TIMM23B: variants seen among roughly 807,000 people sequenced by gnomAD.
TIMM23B encodes the protein translocase of inner mitochondrial membrane 23 homolog B, also known as mitochondrial import inner membrane translocase subunit Tim23B.
In TIMM23B, 27 loss-of-function variants were observed where a neutral mutation model predicts 27.3. The ratio of observed to expected loss-of-function variants is 0.99; its 90% CI spans 0.73 to 1.36. The LOEUF is 1.36. TIMM23B is among the 40% of genes most tolerant of loss of function. TIMM23B has a pLI of 0.00. For missense variants in TIMM23B, 205 were observed against 244.2 expected (o/e 0.84, Z 1.07); for synonymous variants, 73 against 92.4 (o/e 0.79, Z 1.21).
intron 5 of TIMM23B, among the ~76,000 whole-genome samples, chr10:49,955,876 C>T (rs1296073207): frequency 6.6e-6 from 1 of 152,172 alleles, no homozygotes; most frequent in Non-Finnish European, 1.5e-5. Flanking sequence ...GAGATGGCTG[C>T]TTTCATATGT....
chr10:49,958,324 C>T, intron 5 of TIMM23B, 46 bp from the exon 6 acceptor site: 3 of 1,485,058 alleles, frequency 2.0e-6, no homozygotes, highest in Non-Finnish European at 2.8e-6. Flanking sequence ...CATAATATCA[C>T]ACTTTATCAC....
intron 5 of TIMM23B, among the ~76,000 whole-genome samples, chr10:49,957,363 CA>C (rs1196771251): frequency 6.6e-5 from 10 of 151,412 alleles, no homozygotes; most frequent in African/African-American, 2.4e-4. Flanking sequence ...CCTCCCACCT[CA>C]GCCTTTCAAG....
At chr10:49,948,872 T>C (rs1839434117) in intron 2 of TIMM23B, among the ~76,000 whole-genome samples, 1 of 152,172 alleles carries the variant, frequency 6.6e-6, no homozygotes. Flanking sequence ...TACATATCAG[T>C]AACTCCATTT....
At chr10:49,942,801 G>T (rs1839189508) in intron 1 of TIMM23B, among the ~76,000 whole-genome samples, 1 of 152,186 alleles carries the variant, frequency 6.6e-6, no homozygotes, top group African/African-American at 2.4e-5. Flanking sequence ...TAGGAAGTAA[G>T]CTGAACTTTA....
At chr10:49,961,753 C>A (rs1839922783) in intron 6 of TIMM23B, among the ~76,000 whole-genome samples, 2 of 151,260 alleles carry the variant, frequency 1.3e-5, no homozygotes, top group Non-Finnish European at 2.9e-5. Flanking sequence ...GTGCATGCCA[C>A]CACACCCAGC....
intron 6 of TIMM23B, among the ~76,000 whole-genome samples, chr10:49,971,809 A>G (rs1273839945): frequency 2.0e-5 from 3 of 152,184 alleles, no homozygotes; most frequent in African/African-American, 7.2e-5. Flanking sequence ...CATTTGTAAA[A>G]CTAAGGCTCA....
At chr10:49,964,548 CGAAATGAAAT>C (rs1262315781) in intron 6 of TIMM23B, among the ~76,000 whole-genome samples, 11 of 146,502 alleles carry the variant, frequency 7.5e-5, no homozygotes, top group African/African-American at 2.3e-4. Flanking sequence ...GTCTCCGTCT[CGAAATGAAAT>C]GAAATGAAAT....
rs1304123775 is a variant in TIMM23B, at chr10:49,957,433, T to C, written c.404-937T>C. 7.2e-5 allele frequency among the ~76,000 whole-genome samples: 11 copies of C among 152,002 alleles called. No homozygotes were observed. In the East Asian group the frequency reaches 1.5e-3, roughly 21 times the overall value. ...CCAACTAATTTTTTTAAAAATTTTTTTGGAGAAGGGGGTATCCCTATGTTG... is the reference window on the plus strand; with the variant it reads ...CCAACTAATTTTTTTAAAAATTTTTCTGGAGAAGGGGGTATCCCTATGTTG... On this transcript the variant is annotated intron_variant, in intron 5 of 6. Transcript: ENST00000651259.
chr10:49,965,672 TGAAATGAAATGAAGTGA>T (rs1840112159), intron 6 of TIMM23B, among the ~76,000 whole-genome samples: 1 of 92,812 alleles, frequency 1.1e-5, no homozygotes, highest in African/African-American at 4.3e-5. Context: ...ATGAAACAAA[TGAAATGAAATGAAGTGA>T]GAAATGAAAT....
intron 6 of TIMM23B, among the ~76,000 whole-genome samples, chr10:49,966,571 A>C (rs1193372404): frequency 6.6e-6 from 1 of 152,106 alleles, no homozygotes; most frequent in African/African-American, 2.4e-5. Flanking sequence ...CACACCTGTA[A>C]TCCTAGCACT....
chr10:49,952,191 C>T lies in TIMM23B; in HGVS notation c.231C>T (p.Phe77=), dbSNP rs1589033005. ...CCTGGGGCAGATTTGAGCTGGCCTT[C>T]TTTACGATTGGAGGGTGTTGCATGA... ...NKTWGRFELA[F]FTIGGCCMTG... is the part of the protein sequence containing the mutation. The change falls in exon 3 of 7, where the codon TTC becomes TTT. Residue 77 remains phenylalanine, a synonymous_variant. Coordinates refer to ENST00000651259, the MANE Select transcript of TIMM23B (RefSeq NM_001290117.2). 1 of 1,605,744 alleles carries T rather than the reference C, an allele frequency of 6.2e-7. No individual in the cohort carries two copies. Among genetic ancestry groups the T allele is most frequent in the African/African-American group, 1.3e-5 (1 of 74,716 alleles).
At chr10:49,951,260 G>T (rs1338935806) in intron 2 of TIMM23B, among the ~76,000 whole-genome samples, 1 of 152,160 alleles carries the variant, frequency 6.6e-6, no homozygotes, top group African/African-American at 2.4e-5. Flanking sequence ...GGATGTAGGA[G>T]AATGTTAATT....
intron 6 of TIMM23B, among the ~76,000 whole-genome samples, chr10:49,959,414 A>G (rs1839825651): frequency 6.6e-6 from 1 of 152,208 alleles, no homozygotes; most frequent in Non-Finnish European, 1.5e-5. Flanking sequence ...GGAGATAAAC[A>G]TGTTGCTGTC....
At chr10:49,971,995 T>A (rs1483326451) in intron 6 of TIMM23B, among the ~76,000 whole-genome samples, 1 of 152,264 alleles carries the variant, frequency 6.6e-6, no homozygotes, top group Admixed American at 6.5e-5. Flanking sequence ...AGCATCTTTC[T>A]ATCTGGGATC....
intron 2 of TIMM23B, among the ~76,000 whole-genome samples, chr10:49,950,807 G>A (rs1473777354): frequency 2.0e-5 from 3 of 152,206 alleles, no homozygotes; most frequent in Admixed American, 6.5e-5. Flanking sequence ...TTCCCAAAGC[G>A]CTGAGATTAC....
chr10:49,967,337 G>A (rs570672060), intron 6 of TIMM23B, among the ~76,000 whole-genome samples: 63 of 152,214 alleles, frequency 4.1e-4, no homozygotes, highest in Non-Finnish European at 7.9e-4. Context: ...TACTTAGAGT[G>A]CCTAAGGTCA....
intron 6 of TIMM23B, among the ~76,000 whole-genome samples, chr10:49,964,243 TAATAA>T (rs1290234020): frequency 1.5e-5 from 2 of 137,042 alleles, no homozygotes; most frequent in East Asian, 2.2e-4. Flanking sequence ...TGAAATGAAA[TAATAA>T]AATGAAATGC....
chr10:49,948,654 G>A (rs1839426827), intron 2 of TIMM23B, among the ~76,000 whole-genome samples: 1 of 152,206 alleles, frequency 6.6e-6, no homozygotes. Flanking sequence ...GGAATGTCCA[G>A]AATAGGCAAA....
chr10:49,955,673 T>C (rs1839693110), intron 5 of TIMM23B, among the ~76,000 whole-genome samples: 1 of 152,222 alleles, frequency 6.6e-6, no homozygotes. Flanking sequence ...ACATCCAAAA[T>C]TTTCCTACTG....
Sources: gnomAD v4.1 joint callset for allele counts (sites outside exome capture counted in the v4.1 genomes callset) on GRCh38, gnomAD v4.1.1 for gene constraint, MANE v1.5 for transcripts, NCBI Gene and HGNC (gene_info 2026-07-23, HGNC 2026-07-21) for gene names.